CACHD1: variants seen among roughly 807,000 people sequenced by gnomAD.
CACHD1 encodes VWFA and cache domain-containing protein 1.
In CACHD1, 71 loss-of-function variants were observed where a neutral mutation model predicts 138.7. That is an observed-to-expected ratio of 0.51 (90% CI 0.42 to 0.62). The LOEUF is 0.62. Ranked by LOEUF, CACHD1 falls within the 20% of genes least tolerant of loss-of-function variation. CACHD1 has a pLI of 0.00. For missense variants in CACHD1, 1,389 were observed against 1,625.3 expected, an observed-to-expected ratio of 0.85 and a Z score of 2.50; for synonymous variants, 578 against 591.5, an observed-to-expected ratio of 0.98 and a Z score of 0.33.
chr1:64,655,685 AAC>A (rs1649239262), intron 12 of CACHD1, among the ~76,000 whole-genome samples: 2 of 152,186 alleles, frequency 1.3e-5, no homozygotes, highest in African/African-American at 4.8e-5. Flanking sequence ...AAGCGTATCT[AAC>A]ACACACTGTT....
chr1:64,544,864 T>A (rs1646706694), intron 1 of CACHD1, among the ~76,000 whole-genome samples: 1 of 152,170 alleles, frequency 6.6e-6, no homozygotes, highest in Non-Finnish European at 1.5e-5. Context: ...CCCCTTTTCT[T>A]GCTGAAAATT....
chr1:64,551,461 T>A (rs1181316973), intron 2 of CACHD1, among the ~76,000 whole-genome samples: 4 of 152,160 alleles, frequency 2.6e-5, no homozygotes, highest in Admixed American at 2.0e-4. Context: ...TATGTGACCA[T>A]CAACACCATC....
At chr1:64,500,769 C>T (rs1203346136) in intron 1 of CACHD1, among the ~76,000 whole-genome samples, 2 of 142,244 alleles carry the variant, frequency 1.4e-5, no homozygotes, top group Non-Finnish European at 3.0e-5. Context: ...AGAGAGAGTC[C>T]GGACGCGGTG....
chr1:64,516,970 G>A (rs1472194783), intron 1 of CACHD1, among the ~76,000 whole-genome samples: 1 of 152,162 alleles, frequency 6.6e-6, no homozygotes, highest in Non-Finnish European at 1.5e-5. Context: ...CCACTTACTA[G>A]CAATGTGATC....
At chr1:64,641,531 C>T (rs112412881) in intron 7 of CACHD1, among the ~76,000 whole-genome samples, 5 of 152,252 alleles carry the variant, frequency 3.3e-5, no homozygotes, top group African/African-American at 1.2e-4. Flanking sequence ...GCTTAAATTA[C>T]TATAACCATT....
intron 1 of CACHD1, among the ~76,000 whole-genome samples, chr1:64,524,112 C>T (rs1461887683): frequency 6.6e-6 from 1 of 152,044 alleles, no homozygotes; most frequent in East Asian, 1.9e-4. Context: ...ATTCCAACTT[C>T]CCGTAATGGT....
At chr1:64,640,741 TTATATATATA>T (rs67605354) in intron 7 of CACHD1, among the ~76,000 whole-genome samples, 82 of 149,400 alleles carry the variant, frequency 5.5e-4, no homozygotes, top group African/African-American at 1.5e-3. Context: ...ACTCTCAACA[TTATATATATA>T]TATATATATA....
intron 1 of CACHD1, among the ~76,000 whole-genome samples, chr1:64,540,889 G>T (rs1245253816): frequency 2.0e-5 from 3 of 152,106 alleles, no homozygotes; most frequent in Admixed American, 6.5e-5. Flanking sequence ...AGCTCATGTT[G>T]GTTTGTAGGG....
chr1:64,634,541 G>A (rs951748764), intron 7 of CACHD1, among the ~76,000 whole-genome samples: 8 of 151,760 alleles, frequency 5.3e-5, no homozygotes, highest in East Asian at 3.9e-4. Flanking sequence ...ATGCCACCAC[G>A]CCCAGCTAAT....
intron 1 of CACHD1, among the ~76,000 whole-genome samples, chr1:64,474,168 C>A (rs957257882): frequency 2.0e-5 from 3 of 152,216 alleles, no homozygotes; most frequent in Non-Finnish European, 4.4e-5. Flanking sequence ...CCCCTGACAG[C>A]AGACATCATA....
rs182444123 is a variant in CACHD1, at chr1:64,632,804, T to C, written c.789+61T>C. ...TTCTCCTTGAATGCCTTTTTTAAAG[T>C]ACTTTATTGTTTTGTGATATACAGA... On this transcript the variant is annotated intron_variant, in intron 6 of 26. Transcript: ENST00000651257. The C allele has an allele frequency of 5.1e-6, 8 of 1,577,354 alleles. No individual in the cohort carries two copies. In the East Asian group the frequency reaches 1.8e-4, roughly 35 times the overall value.
At chr1:64,537,618 TC>T (rs1646643676) in intron 1 of CACHD1, among the ~76,000 whole-genome samples, 1 of 152,170 alleles carries the variant, frequency 6.6e-6, no homozygotes, top group Non-Finnish European at 1.5e-5. Flanking sequence ...TCTTGTCACT[TC>T]CGAAGGCTTC....
chr1:64,653,739 T>C lies in CACHD1; in HGVS notation c.1541-19T>C, dbSNP rs188365411. ...ACAACATGTTTCTTATTAACATGCA[T>C]TTTGTTTTCTTATTGCAGGATATAC... On this transcript the variant is annotated intron_variant, in intron 10 of 26. Coordinates refer to ENST00000651257, the MANE Select transcript of CACHD1 (RefSeq NM_020925.4). 1.1e-5 allele frequency: 17 copies of C among 1,604,242 alleles called. No individual in the cohort carries two copies. In the East Asian group the frequency reaches 3.4e-4, roughly 32 times the overall value.
At chr1:64,480,675 T>C (rs954309968) in intron 1 of CACHD1, among the ~76,000 whole-genome samples, 2 of 152,080 alleles carry the variant, frequency 1.3e-5, no homozygotes, top group African/African-American at 4.8e-5. Context: ...TTTTTATTTT[T>C]TTATTTTTTT....
chr1:64,513,622 G>A (rs1019303730), intron 1 of CACHD1, among the ~76,000 whole-genome samples: 1 of 152,150 alleles, frequency 6.6e-6, no homozygotes, highest in Non-Finnish European at 1.5e-5. Context: ...ATCTTGCCAG[G>A]AATGGTAGCC....
At chr1:64,559,598 A>C (rs956593670) in intron 2 of CACHD1, among the ~76,000 whole-genome samples, 1 of 152,180 alleles carries the variant, frequency 6.6e-6, no homozygotes, top group African/African-American at 2.4e-5. Flanking sequence ...AACCCCCATG[A>C]CATGTGTTTC....
intron 4 of CACHD1, among the ~76,000 whole-genome samples, chr1:64,612,462 T>C (rs1647570283): frequency 6.6e-6 from 1 of 152,178 alleles, no homozygotes; most frequent in African/African-American, 2.4e-5. Flanking sequence ...TTATCGTCGT[T>C]GTTGCTAAAT....
At chr1:64,668,633 T>G (rs1649717916) in intron 16 of CACHD1, among the ~76,000 whole-genome samples, 1 of 152,218 alleles carries the variant, frequency 6.6e-6, no homozygotes, top group Non-Finnish European at 1.5e-5. Flanking sequence ...GCAGTTGAAG[T>G]CCTGGGTTCT....
At chr1:64,616,656 T>A (rs950791018) in intron 4 of CACHD1, among the ~76,000 whole-genome samples, 5 of 152,302 alleles carry the variant, frequency 3.3e-5, no homozygotes, top group Non-Finnish European at 7.4e-5. Flanking sequence ...TGTTTGGGTT[T>A]GTCTGGTTGT....
Sources: allele counts gnomAD v4.1 joint callset (sites outside exome capture counted in the v4.1 genomes callset), GRCh38; gene constraint gnomAD v4.1.1; transcripts MANE v1.5; gene names NCBI Gene and HGNC (gene_info 2026-07-23, HGNC 2026-07-21).